The following TMEM108 variants were observed in gnomAD, a reference collection of about 807,000 sequenced individuals.
TMEM108 encodes the protein cancer/testis antigen 124.
TMEM108 carries 12 observed loss-of-function variants against 35.1 expected under a neutral mutation model. The ratio of observed to expected loss-of-function variants is 0.34; its 90% CI spans 0.22 to 0.55. TMEM108 has a LOEUF of 0.55. Ranked by LOEUF, TMEM108 falls within the 20% of genes least tolerant of loss-of-function variation. The probability of loss-of-function intolerance (pLI) is 0.89; values close to 1 mark genes in which losing one functional copy is unlikely to be tolerated. For synonymous variants in TMEM108, 287 were observed against 308.6 expected (o/e 0.93, Z 0.73); for missense variants, 680 against 753.3 (o/e 0.90, Z 1.14).
At chr3:133,096,684 G>A (rs149569956) in intron 2 of TMEM108, among the ~76,000 whole-genome samples, 1 of 152,308 alleles carries the variant, frequency 6.6e-6, no homozygotes, top group Non-Finnish European at 1.5e-5. Context: ...AGCCGATTCT[G>A]TAAGCCTTGT....
At chr3:133,347,274 A>C (rs555391190) in intron 3 of TMEM108, among the ~76,000 whole-genome samples, 7 of 152,138 alleles carry the variant, frequency 4.6e-5, no homozygotes, top group Non-Finnish European at 1.0e-4. Flanking sequence ...TGAACATAGA[A>C]TATCTCTCCA....
intron 3 of TMEM108, among the ~76,000 whole-genome samples, chr3:133,245,833 A>C (rs1318998615): frequency 6.6e-6 from 1 of 152,270 alleles, no homozygotes; most frequent in Non-Finnish European, 1.5e-5. Flanking sequence ...TAGTAGCCAC[A>C]GTAGAAAAAG....
intron 3 of TMEM108, among the ~76,000 whole-genome samples, chr3:133,277,637 C>T (rs1038856861): frequency 9.9e-5 from 15 of 152,174 alleles, no homozygotes; most frequent in Non-Finnish European, 2.1e-4. Context: ...GGCATTCCGC[C>T]GGGCACCGCA....
chr3:133,220,645 G>A (rs539957740), intron 2 of TMEM108, among the ~76,000 whole-genome samples: 1 of 151,934 alleles, frequency 6.6e-6, no homozygotes, highest in African/African-American at 2.4e-5. Flanking sequence ...ATGTGTGAGG[G>A]TATTTCCCTA....
intron 3 of TMEM108, among the ~76,000 whole-genome samples, chr3:133,298,734 C>T (rs940552067): frequency 6.6e-6 from 1 of 152,124 alleles, no homozygotes; most frequent in African/African-American, 2.4e-5. Flanking sequence ...GCTACCTGCC[C>T]AAGGACACAG....
At chr3:133,350,240 A>G (rs1002812346) in intron 3 of TMEM108, among the ~76,000 whole-genome samples, 1 of 152,168 alleles carries the variant, frequency 6.6e-6, no homozygotes, top group Non-Finnish European at 1.5e-5. Context: ...AAGAGGTGAT[A>G]TAGAAGCAAA....
chr3:133,194,031 G>A (rs904671594), intron 2 of TMEM108, among the ~76,000 whole-genome samples: 11 of 150,940 alleles, frequency 7.3e-5, no homozygotes, highest in African/African-American at 2.7e-4. Flanking sequence ...CTGCCTCCCA[G>A]GTTCAAGTGA....
At chr3:133,177,867 C>T (rs558099939) in intron 2 of TMEM108, among the ~76,000 whole-genome samples, 2 of 152,282 alleles carry the variant, frequency 1.3e-5, no homozygotes, top group African/African-American at 4.8e-5. Context: ...AAGAGGAAGT[C>T]AAATTGTCCC....
chr3:133,351,425 C>G (rs2071994203), intron 3 of TMEM108, among the ~76,000 whole-genome samples: 1 of 152,242 alleles, frequency 6.6e-6, no homozygotes, highest in South Asian at 2.1e-4. Flanking sequence ...CCTCTCCCCA[C>G]TTTTGTTTGC....
chr3:133,146,241 G>C (rs1049641613), intron 2 of TMEM108, among the ~76,000 whole-genome samples: 4 of 152,164 alleles, frequency 2.6e-5, no homozygotes, highest in African/African-American at 9.7e-5. Context: ...TTTGTCATTG[G>C]TTCTGTTTAT....
At chr3:133,227,892 T>C (rs1946097665) in intron 2 of TMEM108, among the ~76,000 whole-genome samples, 1 of 151,484 alleles carries the variant, frequency 6.6e-6, no homozygotes, top group African/African-American at 2.4e-5. Flanking sequence ...AGACTTCGTC[T>C]CAAAAAAAAA....
intron 2 of TMEM108, among the ~76,000 whole-genome samples, chr3:133,068,335 G>T (rs73860822): frequency 0.039 from 5,929 of 152,102 alleles, 389 homozygotes; most frequent in African/African-American, 0.13. Flanking sequence ...CAGGTTGGAG[G>T]GAGAGAAGGA....
At position 133,380,155 on chromosome 3, in the gene TMEM108, G is replaced by A. The variant is rs745997522; in HGVS notation, c.444G>A (p.Gly148=). 162 of 1,613,010 alleles carry A rather than the reference G, an allele frequency of 1.0e-4. 1 individual carries two copies. Among genetic ancestry groups the A allele is most frequent in the Admixed American group, 4.7e-4 (28 of 59,926 alleles). The part of the protein sequence containing the change: ...APTILLTKPP[G]ATSRPTTAPP... ...CCATCCTGCTGACAAAGCCACCGGG[G>A]GCCACCAGCCGCCCCACCACAGCGC... Residue 148 remains glycine, a synonymous_variant, in exon 4 of 6, where the codon GGG becomes GGA. Transcript: ENST00000321871. The surrounding 1 kb of genome is among the most constrained non-coding windows in gnomAD (Gnocchi z 5.3).
intron 2 of TMEM108, among the ~76,000 whole-genome samples, chr3:133,180,628 C>G (rs563688129): frequency 2.0e-5 from 3 of 152,170 alleles, no homozygotes; most frequent in Admixed American, 1.3e-4. Context: ...GAATCTTTTT[C>G]TATACAATGT....
intron 2 of TMEM108, among the ~76,000 whole-genome samples, chr3:133,116,910 C>T (rs534649584): frequency 4.7e-4 from 71 of 152,218 alleles, no homozygotes; most frequent in African/African-American, 1.7e-3. Context: ...GCTGAGACTA[C>T]GGGCGTGCAC....
At chr3:133,229,413 C>G in intron 3 of TMEM108, 62 bp downstream of exon 3, 1 of 1,543,098 alleles carries the variant, frequency 6.5e-7, no homozygotes, top group Non-Finnish European at 8.9e-7. Flanking sequence ...TGCTGGGTAC[C>G]CACAACTTAC....
At chr3:133,075,855 G>A (rs77476938) in intron 2 of TMEM108, among the ~76,000 whole-genome samples, 2,539 of 152,252 alleles carry the variant, frequency 0.017, 82 homozygotes, top group African/African-American at 0.058. Flanking sequence ...ATAAGAAGTA[G>A]TAGATAATTT....
Position 133,167,654 on chromosome 3 carries a change from C to A in TMEM108, c.-46-61612C>A, listed in dbSNP as rs145821257. Among the ~76,000 whole-genome samples, 546 of 152,310 alleles carry A rather than the reference C, an allele frequency of 3.6e-3. 7 individuals are homozygous for A. The South Asian group carries it at 0.046, about 13-fold the overall frequency. On this transcript the variant is annotated intron_variant, in intron 2 of 5. Transcript: ENST00000321871. ...GCCCAGGTGCTAAGCCCCTCACTGC[C>A]CGGGGCCAGTGCCACCGGCCGACCG...
At chr3:133,326,327 G>C (rs1341849964) in intron 3 of TMEM108, among the ~76,000 whole-genome samples, 1 of 152,066 alleles carries the variant, frequency 6.6e-6, no homozygotes, top group Non-Finnish European at 1.5e-5. Context: ...CTCCTATTCT[G>C]GGTCTTTGGC....
Sources: gnomAD v4.1 joint callset for allele counts (sites outside exome capture counted in the v4.1 genomes callset) on GRCh38, gnomAD v4.1.1 for gene constraint, Gnocchi (gnomAD v3.1) non-coding constraint, MANE v1.5 for transcripts, NCBI Gene and HGNC (gene_info 2026-07-23, HGNC 2026-07-21) for gene names.